The following SMOC2 variants were observed in gnomAD, a reference collection of about 807,000 sequenced individuals.
SMOC2 encodes SPARC related modular calcium binding 2.
Under a neutral mutation model 61.4 loss-of-function variants are expected in SMOC2, and 39 were observed. The observed-to-expected ratio is 0.64, with a 90% CI of 0.49 to 0.83. SMOC2 has a LOEUF of 0.83. Ranked by LOEUF, SMOC2 falls within the 40% of genes least tolerant of loss-of-function variation. SMOC2 has a pLI of 0.00. For synonymous variants in SMOC2, 247 were observed against 239.9 expected, an observed-to-expected ratio of 1.03 and a Z score of -0.27; for missense variants, 556 against 592.9, an observed-to-expected ratio of 0.94 and a Z score of 0.65.
chr6:168,538,488 G>A (rs1783798523), intron 4 of SMOC2, among the ~76,000 whole-genome samples: 1 of 90,032 alleles, frequency 1.1e-5, no homozygotes, highest in African/African-American at 4.7e-5. Context: ...GGTGACCGCT[G>A]CTGGAATGTG....
intron 7 of SMOC2, among the ~76,000 whole-genome samples, chr6:168,559,444 G>A (rs563827812): frequency 6.6e-6 from 1 of 151,490 alleles, no homozygotes; most frequent in Non-Finnish European, 1.5e-5. Context: ...GACAGAGTGA[G>A]ACTCTGTCTC....
intron 9 of SMOC2, among the ~76,000 whole-genome samples, chr6:168,609,050 G>A (rs746855335): frequency 3.9e-5 from 6 of 152,154 alleles, no homozygotes; most frequent in Admixed American, 6.5e-5. Flanking sequence ...AAAGATGTTC[G>A]GCTTATAAAT....
rs1781912723 is a variant in SMOC2 at position 168,469,150 on chromosome 6, C to G, written c.84+27696C>G. 2.0e-5 allele frequency among the ~76,000 whole-genome samples: 3 copies of G among 152,314 alleles called. No individual in the cohort carries two copies. In the South Asian group the frequency reaches 6.2e-4, roughly 32 times the overall value. Reference sequence around the variant, plus strand: ...CAACATGGCCCTTCTGTTCTTACTCCAAGAGTCCTTGCCCTGATGAAAGGG... The same window carrying G: ...CAACATGGCCCTTCTGTTCTTACTCGAAGAGTCCTTGCCCTGATGAAAGGG... On this transcript the variant is annotated intron_variant, in intron 1 of 12. Transcript: ENST00000356284.
At chr6:168,658,312 C>G (rs567460890) in intron 11 of SMOC2, among the ~76,000 whole-genome samples, 1 of 152,206 alleles carries the variant, frequency 6.6e-6, no homozygotes, top group Non-Finnish European at 1.5e-5. Context: ...TCCTCTGTTA[C>G]GGAAACCAGT....
At chr6:168,541,918 C>T (rs1583095463) in intron 4 of SMOC2, among the ~76,000 whole-genome samples, 2 of 152,034 alleles carry the variant, frequency 1.3e-5, no homozygotes, top group African/African-American at 2.4e-5. Flanking sequence ...TGACCTCAGG[C>T]GAAATTTTGA....
intron 1 of SMOC2, 22 bp from the exon 2 acceptor site, chr6:168,509,893 G>C: frequency 6.3e-7 from 1 of 1,577,848 alleles, no homozygotes; most frequent in Non-Finnish European, 8.7e-7. Context: ...AATTTGTCTG[G>C]CTTCTTTTTT....
chr6:168,552,151 C>T (rs963051201), intron 7 of SMOC2, among the ~76,000 whole-genome samples: 4 of 152,170 alleles, frequency 2.6e-5, no homozygotes, highest in African/African-American at 9.7e-5. Flanking sequence ...GCTGAAGAAA[C>T]ACCTAGTTGG....
At chr6:168,633,616 T>C (rs1380414205) in intron 9 of SMOC2, among the ~76,000 whole-genome samples, 2 of 152,040 alleles carry the variant, frequency 1.3e-5, no homozygotes, top group South Asian at 2.1e-4. Flanking sequence ...CCACTTGTCA[T>C]TGAGGCAGAA....
At chr6:168,472,992 C>T (rs1226622121) in intron 1 of SMOC2, among the ~76,000 whole-genome samples, 1 of 151,674 alleles carries the variant, frequency 6.6e-6, no homozygotes. Flanking sequence ...CCGATTCATA[C>T]AAACCCTCTT....
intron 7 of SMOC2, among the ~76,000 whole-genome samples, chr6:168,582,484 G>A (rs1328268567): frequency 6.6e-6 from 1 of 152,188 alleles, no homozygotes; most frequent in Non-Finnish European, 1.5e-5. Context: ...AGGATTAAAG[G>A]TAGCAAAGGA....
chr6:168,552,893 T>C (rs927182846), intron 7 of SMOC2, among the ~76,000 whole-genome samples: 48 of 132,634 alleles, frequency 3.6e-4, no homozygotes, highest in African/African-American at 1.3e-3. Context: ...GGCCCCTCAC[T>C]GTCCTCCGAG....
chr6:168,441,959 C>T (rs1781220845), intron 1 of SMOC2, among the ~76,000 whole-genome samples: 1 of 152,222 alleles, frequency 6.6e-6, no homozygotes, highest in African/African-American at 2.4e-5. Context: ...CGGCCTGGAG[C>T]GTGTTCTCCC....
At chr6:168,554,491 G>A (rs1209423935) in intron 7 of SMOC2, among the ~76,000 whole-genome samples, 2 of 152,202 alleles carry the variant, frequency 1.3e-5, no homozygotes, top group Non-Finnish European at 2.9e-5. Flanking sequence ...TGGGCTCCTG[G>A]GCTCCTGGGC....
intron 7 of SMOC2, among the ~76,000 whole-genome samples, chr6:168,590,164 C>G (rs1785142470): frequency 7.7e-6 from 1 of 129,394 alleles, no homozygotes; most frequent in African/African-American, 3.1e-5. Flanking sequence ...GCAGCCCCAG[C>G]CTGGTGGTGG....
At chr6:168,555,681 C>T (rs1254251971) in intron 7 of SMOC2, among the ~76,000 whole-genome samples, 1 of 152,216 alleles carries the variant, frequency 6.6e-6, no homozygotes, top group Non-Finnish European at 1.5e-5. Context: ...GGCCAAATTC[C>T]TTCACACCCA....
intron 1 of SMOC2, among the ~76,000 whole-genome samples, chr6:168,463,186 A>G (rs914720274): frequency 2.0e-5 from 3 of 152,334 alleles, no homozygotes; most frequent in East Asian, 1.9e-4. Context: ...GAAACACAGA[A>G]GATATTAAAG....
intron 7 of SMOC2, among the ~76,000 whole-genome samples, chr6:168,568,100 A>G (rs6923693): frequency 9.5e-5 from 13 of 136,320 alleles, no homozygotes; most frequent in African/African-American, 2.3e-4. Flanking sequence ...AATTTAGTGC[A>G]TCTTCTCTTC....
chr6:168,625,419 C>T (rs1175390121), intron 9 of SMOC2, among the ~76,000 whole-genome samples: 7 of 152,194 alleles, frequency 4.6e-5, no homozygotes, highest in Non-Finnish European at 1.5e-5. Context: ...CGGAGAGGCC[C>T]AGAGAGGTTC....
At chr6:168,571,840 GCTCCCT>G in intron 7 of SMOC2, among the ~76,000 whole-genome samples, 2 of 141,572 alleles carry the variant, frequency 1.4e-5, no homozygotes, top group Admixed American at 7.1e-5. Context: ...AGGGCTGCGT[GCTCCCT>G]GAACGCGATG....
Sources: allele counts gnomAD v4.1 joint callset (sites outside exome capture counted in the v4.1 genomes callset), GRCh38; gene constraint gnomAD v4.1.1; transcripts MANE v1.5; gene names NCBI Gene and HGNC (gene_info 2026-07-23, HGNC 2026-07-21).